Variants in DNAH8 observed in about 807,000 individuals in gnomAD.
DNAH8 encodes the protein axonemal beta dynein heavy chain 8.
A neutral mutation model predicts 562.1 loss-of-function variants in DNAH8; 382 were observed. The ratio of observed to expected loss-of-function variants is 0.68; its 90% confidence interval spans 0.63 to 0.74. The LOEUF (loss-of-function observed/expected upper bound fraction) is 0.74, where lower values mean the gene tolerates loss of function less well. Among genes scored for constraint, DNAH8 ranks in the 30% least tolerant of loss-of-function variants. DNAH8 has a pLI of 0.00. For synonymous variants in DNAH8, 1,881 were observed against 1,919.4 expected (o/e 0.98, Z 0.52); for missense variants, 5,203 against 5,620.4 (o/e 0.93, Z 2.37).
rs1427875858 is a variant in DNAH8 at position 38,984,206 on chromosome 6, G to T, written c.12952G>T (p.Gly4318Cys). The T allele has an allele frequency of 2.0e-6, 3 of 1,523,456 alleles. No homozygotes were observed. Among genetic ancestry groups the T allele is most frequent in the South Asian group, 2.3e-5 (2 of 87,704 alleles). The allele number at this position is 1,523,456 out of a possible 1,614,324, so 94.4% of individuals were successfully genotyped here. ...TAATCCTTTTTTACTTTTAATAAAG[G>T]GTGTATCATGGAATACGGTTCGGTA... is the stretch of plus-strand genomic sequence containing the variant. Reference protein sequence around the residue: ...NHLDECDIKKGVSWNTVRYMI... With the variant: ...NHLDECDIKKCVSWNTVRYMI... Residue 4318 changes from glycine to cysteine, a missense_variant and splice_region_variant, in exon 87 of 93, where the codon GGT becomes TGT. Gly to Cys is a radical substitution (Grantham distance 159). Around this residue, in one of 6 missense-constraint regions of DNAH8, gnomAD observed 1,399 missense variants for 1,518.4 expected, o/e 0.92. Coordinates refer to ENST00000327475, the MANE Select transcript of DNAH8 (RefSeq NM_001206927.2).
intron 36 of DNAH8, 32 bp from the exon 37 acceptor site, chr6:38,848,616 G>T: frequency 1.3e-6 from 2 of 1,559,768 alleles, no homozygotes; most frequent in South Asian, 2.3e-5. Flanking sequence ...AATCTTCTTT[G>T]AAATGTGATT....
intron 3 of DNAH8, among the ~76,000 whole-genome samples, chr6:38,726,302 G>T (rs13213195): frequency 0.052 from 7,843 of 152,156 alleles, 229 homozygotes; most frequent in South Asian, 0.055. Context: ...ACTAAGATGT[G>T]GGGGGGAGAT....
intron 82 of DNAH8, among the ~76,000 whole-genome samples, chr6:38,968,384 C>T (rs1030530236): frequency 1.3e-5 from 2 of 152,064 alleles, no homozygotes; most frequent in Non-Finnish European, 2.9e-5. Context: ...GCAAATCATA[C>T]ATCTGTTAAG....
intron 87 of DNAH8, among the ~76,000 whole-genome samples, chr6:38,985,559 C>A (rs1412265): frequency 0.24 from 36,522 of 152,016 alleles, 5,528 homozygotes; most frequent in Non-Finnish European, 0.34. Context: ...TGAGAATGTG[C>A]GGAGGGAGGA....
chr6:38,815,466 A>G lies in DNAH8; in HGVS notation c.3334-2A>G, dbSNP rs901165709. 1 of 1,611,374 alleles carries G rather than the reference A, an allele frequency of 6.2e-7. No individual in the cohort carries two copies. The highest frequency in any genetic ancestry group is 2.2e-5 in the East Asian group (1 of 44,828). On this transcript the variant is annotated splice_acceptor_variant, in intron 25 of 92. Coordinates refer to ENST00000327475, the MANE Select transcript of DNAH8 (RefSeq NM_001206927.2). LOFTEE classifies it high-confidence loss of function. ...TTACACATTTGTTTCTTCTTTCCAC[A>G]GGTGATGATTCCTAGTTTGGATGAC... is the stretch of plus-strand genomic sequence containing the variant.
intron 26 of DNAH8, among the ~76,000 whole-genome samples, chr6:38,821,688 A>G (rs984523): frequency 0.66 from 99,793 of 151,882 alleles, 33,120 homozygotes; most frequent in African/African-American, 0.71. Context: ...TTCAGCCTCC[A>G]AGTAGATGGG....
At chr6:38,976,195 A>T (rs2150700542) in intron 85 of DNAH8, among the ~76,000 whole-genome samples, 1 of 152,340 alleles carries the variant, frequency 6.6e-6, no homozygotes, top group African/African-American at 2.4e-5. Context: ...TTGCTGTGAA[A>T]TCAGTTAGCT....
chr6:38,975,024 G>A (rs1273929660), intron 85 of DNAH8, among the ~76,000 whole-genome samples: 1 of 152,128 alleles, frequency 6.6e-6, no homozygotes, highest in Non-Finnish European at 1.5e-5. Flanking sequence ...ACTAGGATTG[G>A]CTGGCTCTGA....
chr6:38,994,572 C>G (rs764627712), intron 88 of DNAH8, among the ~76,000 whole-genome samples: 11 of 149,986 alleles, frequency 7.3e-5, no homozygotes, highest in Non-Finnish European at 1.6e-4. Flanking sequence ...AGGAATTTAC[C>G]TATTAGGTAT....
rs151142367 is a variant in DNAH8 at position 38,736,977 on chromosome 6, T to C, written c.763-90T>C. 4,660 of 885,064 alleles carry C rather than the reference T, an allele frequency of 5.3e-3. 35 individuals are homozygous for C. Among genetic ancestry groups the C allele is most frequent in the South Asian group, 0.025 (784 of 31,492 alleles). 54.8% of individuals were successfully genotyped at this position (885,064 alleles called of 1,614,324 possible). A position where few individuals can be genotyped will look rare whatever the true frequency, so the allele number is the denominator to read the frequency against. On this transcript the variant is annotated intron_variant, in intron 5 of 92. Transcript: ENST00000327475. ...TAGTTTATAAAATGTATTAGTTGTC[T>C]ATGTTTATTGCAATATAAAACAGGT...
At chr6:38,731,490 A>G (rs996764790) in intron 4 of DNAH8, among the ~76,000 whole-genome samples, 3 of 152,176 alleles carry the variant, frequency 2.0e-5, no homozygotes, top group African/African-American at 7.2e-5. Context: ...TTCCAAACTG[A>G]TCTCTCAGTA....
rs746621630 is a variant in DNAH8, at chr6:38,872,561, A to G, written c.7016A>G (p.His2339Arg). Residue 2339 changes from histidine (H) to arginine (R), a missense_variant, in exon 50 of 93, where the codon CAT (histidine) becomes CGT (arginine). Transcript: ENST00000327475. ...TTATATGAGACGTCTTTGGTACGGC[A>G]TGGCTTGATGACTCTTGGGCCCAGT... ...VQLYETSLVR[H>R]GLMTLGPSGS... is the part of the protein sequence containing the mutation. 6 of 1,613,998 alleles carry G rather than the reference A, an allele frequency of 3.7e-6. No individual in the cohort carries two copies. The highest frequency in any genetic ancestry group is 1.6e-4 in the Middle Eastern group (1 of 6,082).
At chr6:38,739,740 C>T (rs922280102) in intron 7 of DNAH8, among the ~76,000 whole-genome samples, 3 of 152,206 alleles carry the variant, frequency 2.0e-5, no homozygotes, top group Non-Finnish European at 4.4e-5. Context: ...TTTCTTCCCC[C>T]TAGTGGTAAC....
At chr6:38,911,422 A>ACTCCC (rs1780885892) in intron 65 of DNAH8, 46 bp from the exon 66 acceptor site, 2 of 1,332,740 alleles carry the variant, frequency 1.5e-6, no homozygotes, top group African/African-American at 2.9e-5. Context: ...GTTTTATGGG[A>ACTCCC]GTACGCACAA....
intron 19 of DNAH8, 132 bp downstream of exon 19, chr6:38,790,015 G>GTTT (rs10709081): frequency 3.3e-3 from 1,786 of 549,502 alleles, no homozygotes; most frequent in East Asian, 0.018. Context: ...TTATAGCTCT[G>GTTT]TTTTTTTTTT....
At chr6:38,987,281 T>G (rs1383737454) in intron 87 of DNAH8, among the ~76,000 whole-genome samples, 1 of 152,178 alleles carries the variant, frequency 6.6e-6, no homozygotes, top group African/African-American at 2.4e-5. Context: ...GGGATTCCCC[T>G]CTCTGACCCC....
intron 71 of DNAH8, among the ~76,000 whole-genome samples, chr6:38,922,066 T>A (rs959054966): frequency 4.5e-5 from 3 of 67,260 alleles, no homozygotes; most frequent in Admixed American, 1.6e-4. Flanking sequence ...TCACTTCTTT[T>A]GTGGTGGAAT....
chr6:38,975,231 T>A (rs1450437382), intron 85 of DNAH8, among the ~76,000 whole-genome samples: 7 of 152,224 alleles, frequency 4.6e-5, no homozygotes, highest in Admixed American at 2.0e-4. Context: ...AAATTATTGT[T>A]AGTGTTTTGT....
intron 4 of DNAH8, among the ~76,000 whole-genome samples, chr6:38,731,453 T>C (rs1451088903): frequency 6.6e-6 from 1 of 152,236 alleles, no homozygotes; most frequent in East Asian, 1.9e-4. Context: ...CTGCATTTTA[T>C]TTCATTAGGC....
Sources: gnomAD v4.1 joint callset for allele counts (sites outside exome capture counted in the v4.1 genomes callset) on GRCh38, gnomAD v4.1.1 for gene constraint, gnomAD v4.1.1 regional missense constraint, MANE v1.5 for transcripts, NCBI Gene and HGNC (gene_info 2026-07-23, HGNC 2026-07-21) for gene names.